Variants in ASZ1 observed in about 807,000 individuals in gnomAD.
ASZ1 encodes ankyrin repeat, SAM and basic leucine zipper domain containing 1.
ASZ1 carries 67 observed loss-of-function variants against 61.8 expected under a neutral mutation model. The observed-to-expected ratio is 1.08, with a 90% CI of 0.89 to 1.33. The LOEUF is 1.33. ASZ1 is among the 40% of genes most tolerant of loss of function. The pLI, the probability that ASZ1 is intolerant of heterozygous loss-of-function variation, is 0.00. For synonymous variants in ASZ1, 193 were observed against 192.7 expected (o/e 1.00, Z -0.01); for missense variants, 577 against 554.5 (o/e 1.04, Z -0.41).
chr7:117,393,471 C>G (rs1038934194), intron 4 of ASZ1, among the ~76,000 whole-genome samples: 1 of 151,880 alleles, frequency 6.6e-6, no homozygotes, highest in African/African-American at 2.4e-5. Context: ...ATCATTTTCT[C>G]TTTGGTCCCT....
intron 4 of ASZ1, among the ~76,000 whole-genome samples, chr7:117,402,417 T>C (rs906511301): frequency 2.6e-5 from 4 of 152,152 alleles, no homozygotes; most frequent in African/African-American, 9.7e-5. Flanking sequence ...TAAGAGGTGA[T>C]ATTTAGCATT....
chr7:117,420,223 T>G lies in ASZ1; in HGVS notation c.380A>C (p.Gln127Pro). 6.2e-7 allele frequency: 1 copy of G among 1,612,906 alleles called. No homozygotes were observed. Among genetic ancestry groups the G allele is most frequent in the African/African-American group, 1.3e-5 (1 of 75,048 alleles). The stretch of plus-strand genomic sequence containing the variant: ...TAGTAGTTCTACACACTTCAAGATC[T>G]GTTCCTCTGAGCCATGAGCAGAACA... ...TACSAHGSEE[Q>P]ILKCVELLLS... Residue 127 changes from glutamine (Q) to proline (P), a missense_variant, in exon 4 of 13, where the codon CAG becomes CCG. Physicochemically the swap from Gln to Pro is moderately conservative, Grantham distance 76. Transcript: ENST00000284629.
chr7:117,398,820 A>G (rs1796622386), intron 4 of ASZ1, among the ~76,000 whole-genome samples: 1 of 152,178 alleles, frequency 6.6e-6, no homozygotes, highest in Admixed American at 6.5e-5. Context: ...CACTGTTTAC[A>G]ACTGCCTAAA....
intron 4 of ASZ1, among the ~76,000 whole-genome samples, chr7:117,393,471 C>T (rs1038934194): frequency 1.3e-5 from 2 of 151,998 alleles, no homozygotes; most frequent in Admixed American, 6.5e-5. Flanking sequence ...ATCATTTTCT[C>T]TTTGGTCCCT....
At position 117,398,884 on chromosome 7, in the gene ASZ1, G is replaced by A. The variant is rs78582787; in HGVS notation, c.441-13075C>T. On this transcript the variant is annotated intron_variant, in intron 4 of 12. Coordinates refer to ENST00000284629, the MANE Select transcript of ASZ1 (RefSeq NM_130768.3). The stretch of plus-strand genomic sequence containing the variant: ...TTGCACGTGCACCTACCTCTAAACT[G>A]AATATTCATTTTTATGATCTTCAGT... Among the ~76,000 whole-genome samples the A allele has an allele frequency of 8.5e-4, 130 of 152,140 alleles. 3 individuals carry two copies. In the East Asian group the frequency reaches 0.018, roughly 21 times the overall value.
chr7:117,369,087 T>G (rs1490645696), intron 10 of ASZ1, among the ~76,000 whole-genome samples: 3 of 152,220 alleles, frequency 2.0e-5, no homozygotes, highest in Non-Finnish European at 4.4e-5. Context: ...ATAGGATAGA[T>G]GTTGTTAATA....
intron 4 of ASZ1, among the ~76,000 whole-genome samples, chr7:117,392,345 T>A (rs1191987246): frequency 8.5e-5 from 13 of 152,208 alleles, no homozygotes; most frequent in Admixed American, 8.5e-4. Flanking sequence ...AAAAAAGGAA[T>A]GGAAAATCCT....
chr7:117,396,400 C>T (rs894495792), intron 4 of ASZ1, among the ~76,000 whole-genome samples: 4 of 152,262 alleles, frequency 2.6e-5, no homozygotes, highest in East Asian at 1.9e-4. Flanking sequence ...CTCCATTAAA[C>T]GTGTAATTTG....
intron 4 of ASZ1, among the ~76,000 whole-genome samples, chr7:117,392,470 A>C (rs1484203216): frequency 6.6e-6 from 1 of 151,916 alleles, no homozygotes; most frequent in East Asian, 1.9e-4. Context: ...ATGGAACTGC[A>C]CTCTTGATTT....
At chr7:117,381,128 G>A in intron 8 of ASZ1, 61 bp from the exon 9 acceptor site, 2 of 1,411,858 alleles carry the variant, frequency 1.4e-6, no homozygotes, top group African/African-American at 1.5e-5. Context: ...AGGAGAAGTA[G>A]GCAAATGTTC....
chr7:117,403,240 A>G lies in ASZ1; in HGVS notation c.440+16923T>C, dbSNP rs558784715. Among the ~76,000 whole-genome samples, 322 of 152,136 alleles carry G rather than the reference A, an allele frequency of 2.1e-3. 2 individuals are homozygous for G. The highest frequency in any genetic ancestry group is 4.4e-3 in the South Asian group (21 of 4,794). On this transcript the variant is annotated intron_variant, in intron 4 of 12. Transcript: ENST00000284629. The stretch of plus-strand genomic sequence containing the variant: ...CTATTTTCATCAGAAGGGAAGTGAT[A>G]TTTTAATTTCTGGTAATGTATTGTT...
chr7:117,376,827 G>A (rs1186264238), intron 10 of ASZ1, among the ~76,000 whole-genome samples: 4 of 152,008 alleles, frequency 2.6e-5, no homozygotes, highest in African/African-American at 9.7e-5. Flanking sequence ...TAACATCACA[G>A]TTAATTAATA....
rs1795868013 is a variant in ASZ1 at position 117,363,513 on chromosome 7, T to C, written c.*83A>G. The C allele has an allele frequency of 8.5e-7, 1 of 1,169,908 alleles. No individual in the cohort carries two copies. The highest frequency in any genetic ancestry group is 1.6e-5 in the African/African-American group (1 of 63,036). 72.5% of individuals were successfully genotyped at this position (1,169,908 alleles called of 1,614,324 possible). A position where few individuals can be genotyped will look rare whatever the true frequency, so the allele number is the denominator to read the frequency against. ...AATATTGGCAAAGAATGTAAAGTTA[T>C]ATTGTGCTGCAAACAGTTAAAAGCA... On this transcript the variant is annotated 3_prime_UTR_variant, in exon 13 of 13. Transcript: ENST00000284629.
At position 117,377,218 on chromosome 7, in the gene ASZ1, G is replaced by T. The variant is rs1584720152; in HGVS notation, c.1055+2720C>A. 4.6e-5 allele frequency among the ~76,000 whole-genome samples: 7 copies of T among 152,240 alleles called. 1 individual carries two copies. The highest frequency in any genetic ancestry group is 4.6e-4 in the Admixed American group (7 of 15,286). Reference sequence around the variant, plus strand: ...TGCATGAGATCTGTATGATGAAAATGACAAAATGCTGATGAAAGAAAACAA... The same window carrying T: ...TGCATGAGATCTGTATGATGAAAATTACAAAATGCTGATGAAAGAAAACAA... On this transcript the variant is annotated intron_variant, in intron 10 of 12. Transcript: ENST00000284629.
chr7:117,387,828 C>T (rs1002977919), intron 4 of ASZ1, among the ~76,000 whole-genome samples: 1 of 152,178 alleles, frequency 6.6e-6, no homozygotes, highest in Non-Finnish European at 1.5e-5. Context: ...TCTTGCCTGT[C>T]CCCAGACCTT....
chr7:117,406,085 T>A (rs1796777288), intron 4 of ASZ1, among the ~76,000 whole-genome samples: 1 of 152,222 alleles, frequency 6.6e-6, no homozygotes, highest in African/African-American at 2.4e-5. Flanking sequence ...ATAGGGTCAT[T>A]ATCAGAGTAT....
chr7:117,377,931 T>TG (rs1194490969), intron 10 of ASZ1, among the ~76,000 whole-genome samples: 3 of 151,768 alleles, frequency 2.0e-5, no homozygotes, highest in African/African-American at 4.8e-5. Flanking sequence ...AGCAATTCAA[T>TG]GGGGGAGGAA....
chr7:117,367,229 C>T (rs1425667627), intron 12 of ASZ1, 123 bp downstream of exon 12: 2 of 735,638 alleles, frequency 2.7e-6, no homozygotes, highest in African/African-American at 1.8e-5. Flanking sequence ...GGAAACTGTC[C>T]TTTTTCCCAC....
At chr7:117,379,164 T>TACACACACACAC (rs1384419878) in intron 10 of ASZ1, among the ~76,000 whole-genome samples, 2 of 59,502 alleles carry the variant, frequency 3.4e-5, no homozygotes, top group African/African-American at 9.1e-5. Flanking sequence ...TATATATATA[T>TACACACACACAC]ATATACACAC....
Sources: gnomAD v4.1 joint callset for allele counts (sites outside exome capture counted in the v4.1 genomes callset) on GRCh38, gnomAD v4.1.1 for gene constraint, MANE v1.5 for transcripts, NCBI Gene and HGNC (gene_info 2026-07-23, HGNC 2026-07-21) for gene names.